The following KIAA1328 variants were observed in gnomAD, a reference collection of about 807,000 sequenced individuals.
KIAA1328 encodes KIAA1328.
In KIAA1328, 52 loss-of-function variants were observed where a neutral mutation model predicts 68.1. The observed-to-expected ratio is 0.76, with a 90% CI of 0.61 to 0.96. KIAA1328 has a LOEUF of 0.96. Ranked by LOEUF, KIAA1328 falls within the 40% of genes least tolerant of loss-of-function variation. The pLI, the probability that KIAA1328 is intolerant of heterozygous loss-of-function variation, is 0.00. For synonymous variants in KIAA1328, 232 were observed against 239.4 expected (o/e 0.97, Z 0.28); for missense variants, 641 against 677.6 (o/e 0.95, Z 0.60).
At chr18:36,990,423 C>T (rs2053126664) in intron 6 of KIAA1328, among the ~76,000 whole-genome samples, 2 of 151,728 alleles carry the variant, frequency 1.3e-5, no homozygotes, top group Admixed American at 6.6e-5. Context: ...GCCTGTAATC[C>T]CAACACTTTG....
chr18:36,838,216 T>C (rs1237473649), intron 3 of KIAA1328, among the ~76,000 whole-genome samples: 1 of 152,206 alleles, frequency 6.6e-6, no homozygotes, highest in Non-Finnish European at 1.5e-5. Context: ...TGTGAATTCC[T>C]TACCATTTTC....
At chr18:37,011,825 C>G (rs1482814253) in intron 6 of KIAA1328, among the ~76,000 whole-genome samples, 1 of 151,998 alleles carries the variant, frequency 6.6e-6, no homozygotes, top group African/African-American at 2.4e-5. Context: ...TACACAGGAG[C>G]ATGGGTAATT....
At chr18:37,112,717 AAGG>A (rs753946130) in intron 7 of KIAA1328, among the ~76,000 whole-genome samples, 5 of 152,152 alleles carry the variant, frequency 3.3e-5, no homozygotes, top group African/African-American at 9.7e-5. Context: ...CTCCAAGTGA[AAGG>A]AGGATTTTCG....
chr18:36,833,766 A>G (rs1422272545), intron 1 of KIAA1328, among the ~76,000 whole-genome samples: 2 of 152,148 alleles, frequency 1.3e-5, no homozygotes, highest in African/African-American at 4.8e-5. Flanking sequence ...TTTTGTCTTA[A>G]ATTTCTTCTA....
intron 9 of KIAA1328, among the ~76,000 whole-genome samples, chr18:37,197,133 G>T (rs1009890696): frequency 3.3e-5 from 5 of 151,776 alleles, no homozygotes; most frequent in African/African-American, 1.2e-4. Flanking sequence ...TGTCTGTTTG[G>T]TTTTTTCCCC....
At chr18:36,948,324 C>T (rs528284999) in intron 5 of KIAA1328, among the ~76,000 whole-genome samples, 14 of 137,078 alleles carry the variant, frequency 1.0e-4, no homozygotes, top group East Asian at 8.6e-4. Flanking sequence ...TGCTGTGGTG[C>T]GATCTCGGCT....
intron 3 of KIAA1328, among the ~76,000 whole-genome samples, chr18:36,840,387 C>T (rs1034700413): frequency 2.0e-5 from 3 of 151,704 alleles, no homozygotes; most frequent in Non-Finnish European, 4.4e-5. Flanking sequence ...TCTATGTGTG[C>T]TTTTTCTTAA....
chr18:36,939,461 G>A (rs1229651246), intron 5 of KIAA1328, among the ~76,000 whole-genome samples: 4 of 152,082 alleles, frequency 2.6e-5, no homozygotes, highest in Non-Finnish European at 5.9e-5. Context: ...CAATTTGACT[G>A]AATTCATTTA....
chr18:36,890,654 A>G lies in KIAA1328; in HGVS notation c.448+4982A>G, dbSNP rs746616278. On this transcript the variant is annotated intron_variant, in intron 5 of 9. Coordinates refer to ENST00000280020, the MANE Select transcript of KIAA1328 (RefSeq NM_020776.3). ...CCACTGCATTCCAGCATAGGTGACA[A>G]AGTGAGGCTCCATCTCAAAAATAAA... 9.9e-5 allele frequency among the ~76,000 whole-genome samples: 15 copies of G among 152,254 alleles called. No individual in the cohort carries two copies. In the South Asian group the frequency reaches 2.5e-3, roughly 25 times the overall value.
chr18:37,061,124 GAGAA>G (rs1279985362), intron 6 of KIAA1328, among the ~76,000 whole-genome samples: 4 of 151,952 alleles, frequency 2.6e-5, no homozygotes, highest in Non-Finnish European at 4.4e-5. Flanking sequence ...CAAAAAAAAA[GAGAA>G]AGAAAAATAC....
At chr18:37,082,468 G>A (rs556734101) in intron 7 of KIAA1328, among the ~76,000 whole-genome samples, 26 of 152,234 alleles carry the variant, frequency 1.7e-4, no homozygotes, top group African/African-American at 6.3e-4. Flanking sequence ...CACCCCGCCC[G>A]GCCCCAGGGA....
chr18:37,220,784 G>A (rs1474940262), intron 9 of KIAA1328, among the ~76,000 whole-genome samples: 2 of 152,146 alleles, frequency 1.3e-5, no homozygotes, highest in African/African-American at 2.4e-5. Context: ...TATCCCCTTA[G>A]GGCCCTATGT....
At chr18:36,864,357 A>T (rs1416745585) in intron 4 of KIAA1328, among the ~76,000 whole-genome samples, 2 of 148,256 alleles carry the variant, frequency 1.3e-5, no homozygotes, top group East Asian at 4.0e-4. Flanking sequence ...GCTGGAGTGC[A>T]GTGGCACAAT....
chr18:36,894,183 AAATATC>A (rs2048794807), intron 5 of KIAA1328, among the ~76,000 whole-genome samples: 1 of 152,320 alleles, frequency 6.6e-6, no homozygotes, highest in Non-Finnish European at 1.5e-5. Context: ...TGAACGATAC[AAATATC>A]AATAAGCCTT....
chr18:37,158,589 G>A (rs1183895496), intron 7 of KIAA1328, among the ~76,000 whole-genome samples: 2 of 152,088 alleles, frequency 1.3e-5, no homozygotes, highest in Non-Finnish European at 2.9e-5. Flanking sequence ...GAGACATGAA[G>A]AGAGGAATAG....
intron 6 of KIAA1328, among the ~76,000 whole-genome samples, chr18:37,027,269 A>G (rs1282271690): frequency 1.3e-5 from 2 of 152,216 alleles, no homozygotes; most frequent in Non-Finnish European, 2.9e-5. Context: ...GGAAGAATCA[A>G]TATAGTGAAA....
At chr18:37,139,083 G>A (rs981861095) in intron 7 of KIAA1328, among the ~76,000 whole-genome samples, 1 of 149,414 alleles carries the variant, frequency 6.7e-6, no homozygotes, top group Admixed American at 6.7e-5. Context: ...CAGCCTCCCT[G>A]GTAGCTGAAA....
intron 6 of KIAA1328, among the ~76,000 whole-genome samples, chr18:37,049,151 A>C (rs944336549): frequency 6.6e-6 from 1 of 152,230 alleles, no homozygotes. Context: ...GAGAACTGTA[A>C]ATAAATACTT....
At chr18:37,205,008 A>G (rs1489280358) in intron 9 of KIAA1328, among the ~76,000 whole-genome samples, 2 of 152,012 alleles carry the variant, frequency 1.3e-5, no homozygotes, top group African/African-American at 4.8e-5. Context: ...CACCTTCTCA[A>G]GAGACTCAAC....
Sources: allele counts gnomAD v4.1 joint callset (sites outside exome capture counted in the v4.1 genomes callset), GRCh38; gene constraint gnomAD v4.1.1; transcripts MANE v1.5; gene names NCBI Gene and HGNC (gene_info 2026-07-23, HGNC 2026-07-21).